Variants in DNAH9 observed in about 807,000 individuals in gnomAD.
DNAH9 encodes dynein axonemal heavy chain 9, also known as DNAH9 variant protein.
Under a neutral mutation model 471.6 loss-of-function variants are expected in DNAH9, and 345 were observed. That is an observed-to-expected ratio of 0.73 (90% CI 0.67 to 0.80). The LOEUF (loss-of-function observed/expected upper bound fraction) is 0.80, where lower values mean the gene tolerates loss of function less well. Among genes scored for constraint, DNAH9 ranks in the 30% least tolerant of loss-of-function variants. The probability of loss-of-function intolerance (pLI) is 0.00; values close to 1 mark genes in which losing one functional copy is unlikely to be tolerated. For synonymous variants in DNAH9, 2,093 were observed against 2,123.6 expected, an observed-to-expected ratio of 0.99 and a Z score of 0.40; for missense variants, 5,407 against 5,609.2, an observed-to-expected ratio of 0.96 and a Z score of 1.15.
At chr17:11,635,488 CAATTTTTTT>C (rs2073145626) in intron 8 of DNAH9, among the ~76,000 whole-genome samples, 1 of 151,954 alleles carries the variant, frequency 6.6e-6, no homozygotes, top group Non-Finnish European at 1.5e-5. Context: ...GCCCTCTTTT[CAATTTTTTT>C]AATTCTCTTT....
At chr17:11,614,165 A>T (rs1211537667) in intron 4 of DNAH9, among the ~76,000 whole-genome samples, 1 of 152,188 alleles carries the variant, frequency 6.6e-6, no homozygotes, top group Non-Finnish European at 1.5e-5. Flanking sequence ...AGGATCTTCT[A>T]AGCTGGTGAC....
At chr17:11,814,024 T>C (rs1240440142) in intron 45 of DNAH9, among the ~76,000 whole-genome samples, 2 of 152,204 alleles carry the variant, frequency 1.3e-5, no homozygotes, top group Non-Finnish European at 2.9e-5. Flanking sequence ...GTCATGCAAC[T>C]GCTGGTGAAA....
At chr17:11,681,780 CA>C (rs199979216) in intron 19 of DNAH9, among the ~76,000 whole-genome samples, 6 of 150,208 alleles carry the variant, frequency 4.0e-5, no homozygotes, top group African/African-American at 1.5e-4. Context: ...ACAAACCAAA[CA>C]AAAAAAAATA....
At position 11,863,505 on chromosome 17, in the gene DNAH9, G is replaced by A. The variant is rs543476155; in HGVS notation, c.9934-5629G>A. Reference sequence around the variant, plus strand: ...CTCTTTTTTGGTTGTGTCTCTGCCCGACTTTGGTATCAGGATGATGCTGGC... The same window carrying A: ...CTCTTTTTTGGTTGTGTCTCTGCCCAACTTTGGTATCAGGATGATGCTGGC... On this transcript the variant is annotated intron_variant, in intron 50 of 68. Coordinates refer to ENST00000262442, the MANE Select transcript of DNAH9 (RefSeq NM_001372.4). 2.6e-4 allele frequency among the ~76,000 whole-genome samples: 39 copies of A among 152,282 alleles called. No homozygotes were observed. In the East Asian group the frequency reaches 5.6e-3, roughly 22 times the overall value.
chr17:11,680,751 A>C lies in DNAH9; in HGVS notation c.3605A>C (p.Lys1202Thr), dbSNP rs1235211589. The part of the protein sequence containing the change: ...EELPEKWNNI[K>T]KVAITVKQQV... ...CTGCCTGAGAAATGGAACAACATAAAAAAGGTGGCCATTACTGTGAAGCAG... is the reference window on the plus strand; with the variant it reads ...CTGCCTGAGAAATGGAACAACATAACAAAGGTGGCCATTACTGTGAAGCAG... Residue 1202 changes from lysine to threonine, a missense_variant, in exon 19 of 69, where the codon AAA becomes ACA. This residue lies in a region of DNAH9 where 4,636 missense variants were observed against 4,900.3 expected (regional missense o/e 0.95). Coordinates refer to ENST00000262442, the MANE Select transcript of DNAH9 (RefSeq NM_001372.4). 1 of 1,613,956 alleles carries C rather than the reference A, an allele frequency of 6.2e-7. No homozygotes were observed. The highest frequency in any genetic ancestry group is 8.5e-7 in the Non-Finnish European group (1 of 1,179,988).
At chr17:11,732,037 CCTT>C (rs1365993223) in intron 28 of DNAH9, among the ~76,000 whole-genome samples, 1 of 152,166 alleles carries the variant, frequency 6.6e-6, no homozygotes, top group Non-Finnish European at 1.5e-5. Flanking sequence ...GCCCTTCACT[CCTT>C]CTGAGCTGGA....
rs1178795513 is a variant in DNAH9, at chr17:11,862,325, G to A, written c.9934-6809G>A. On this transcript the variant is annotated intron_variant, in intron 50 of 68. Transcript: ENST00000262442. ...TCTCAGGTTTGTCAAAGATCAGATAGTTGTAGATATGCGGCGTTATTTCTG... is the reference window on the plus strand; with the variant it reads ...TCTCAGGTTTGTCAAAGATCAGATAATTGTAGATATGCGGCGTTATTTCTG... 2.5e-5 allele frequency among the ~76,000 whole-genome samples: 3 copies of A among 121,954 alleles called. No homozygotes were observed. The South Asian group carries it at 8.5e-4, about 34-fold the overall frequency. 80.0% of individuals were successfully genotyped at this position (121,954 alleles called of 152,430 possible).
chr17:11,969,437 A>T lies in DNAH9; in HGVS notation c.13371A>T (p.Gly4457=), dbSNP rs760210397. 2 of 1,613,838 alleles carry T rather than the reference A, an allele frequency of 1.2e-6. No homozygotes were observed. Among genetic ancestry groups the T allele is most frequent in the Non-Finnish European group, 1.7e-6 (2 of 1,180,010 alleles). The change falls in exon 69 of 69, where the codon GGA becomes GGT. Residue 4457 remains glycine, a synonymous_variant. Transcript: ENST00000262442. ...SCPVYKTSQR[G]PTYVWTFNLK... is the part of the protein sequence containing the mutation. ...CTGTGTACAAGACTAGTCAGCGGGG[A>T]CCCACCTACGTGTGGACTTTCAACC...
At chr17:11,933,779 C>G in intron 64 of DNAH9, 101 bp from the exon 65 acceptor site, 1 of 1,034,952 alleles carries the variant, frequency 9.7e-7, no homozygotes, top group South Asian at 1.6e-5. Flanking sequence ...CAAGAAGCGT[C>G]CCTCTCTTGT....
chr17:11,898,387 C>T (rs1290006857), intron 59 of DNAH9, among the ~76,000 whole-genome samples: 1 of 152,186 alleles, frequency 6.6e-6, no homozygotes, highest in East Asian at 1.9e-4. Flanking sequence ...TCCCAAAGTG[C>T]TGGGATTACA....
chr17:11,607,257 C>T (rs1469289353), intron 1 of DNAH9, among the ~76,000 whole-genome samples: 2 of 152,150 alleles, frequency 1.3e-5, no homozygotes, highest in Non-Finnish European at 2.9e-5. Flanking sequence ...GATGGGTAAA[C>T]ATACAACACC....
chr17:11,718,734 C>T, intron 26 of DNAH9, among the ~76,000 whole-genome samples: 1 of 152,144 alleles, frequency 6.6e-6, no homozygotes, highest in Non-Finnish European at 1.5e-5. Context: ...TATAGCCCTA[C>T]CTTCATGAAC....
chr17:11,886,727 C>G, intron 56 of DNAH9, 98 bp from the exon 57 acceptor site: 1 of 1,448,600 alleles, frequency 6.9e-7, no homozygotes. Flanking sequence ...ACTCCATCCC[C>G]TAAGCAGACG....
intron 15 of DNAH9, among the ~76,000 whole-genome samples, chr17:11,667,608 G>C (rs997935926): frequency 5.3e-5 from 8 of 152,210 alleles, no homozygotes; most frequent in African/African-American, 1.9e-4. Flanking sequence ...GTCTACCCTT[G>C]AAAGCAAGAG....
At chr17:11,882,856 GCA>G in intron 55 of DNAH9, 3 of 875,362 alleles carry the variant, frequency 3.4e-6, no homozygotes, top group South Asian at 5.3e-5. Context: ...AGCATTCCCA[GCA>G]CAGAGAACAG....
intron 61 of DNAH9, among the ~76,000 whole-genome samples, chr17:11,909,983 G>A (rs377436804): frequency 4.6e-5 from 7 of 152,202 alleles, no homozygotes; most frequent in East Asian, 3.9e-4. Flanking sequence ...TCGGCTGGGC[G>A]TGGTGGCTCA....
intron 28 of DNAH9, 111 bp from the exon 29 acceptor site, chr17:11,738,769 T>C: frequency 1.1e-6 from 1 of 896,572 alleles, no homozygotes; most frequent in Non-Finnish European, 1.8e-6. Context: ...AGTGAAAGGG[T>C]CCACAGGACA....
At chr17:11,741,378 G>A (rs1211821835) in intron 29 of DNAH9, among the ~76,000 whole-genome samples, 2 of 152,156 alleles carry the variant, frequency 1.3e-5, no homozygotes, top group Non-Finnish European at 2.9e-5. Context: ...GGGTTAATAA[G>A]TATTAGGTTG....
At chr17:11,675,675 A>G (rs1389752695) in intron 17 of DNAH9, among the ~76,000 whole-genome samples, 2 of 152,120 alleles carry the variant, frequency 1.3e-5, no homozygotes, top group African/African-American at 4.8e-5. Context: ...CAAGTGTTTT[A>G]TCTATGTCCA....
Sources: gnomAD v4.1 joint callset for allele counts (sites outside exome capture counted in the v4.1 genomes callset) on GRCh38, gnomAD v4.1.1 for gene constraint, gnomAD v4.1.1 regional missense constraint, MANE v1.5 for transcripts, NCBI Gene and HGNC (gene_info 2026-07-23, HGNC 2026-07-21) for gene names.